Variants in CCND3 observed in about 807,000 individuals in gnomAD.
CCND3 encodes G1/S-specific cyclin-D3.
A neutral mutation model predicts 28.7 loss-of-function variants in CCND3; 9 were observed. The ratio of observed to expected loss-of-function variants is 0.31; its 90% CI spans 0.19 to 0.55. CCND3 has a LOEUF of 0.55. Among genes scored for constraint, CCND3 ranks in the 20% least tolerant of loss-of-function variants. The probability of loss-of-function intolerance (pLI) is 0.93; values close to 1 mark genes in which losing one functional copy is unlikely to be tolerated. For synonymous variants in CCND3, 164 were observed against 163.9 expected, an observed-to-expected ratio of 1.00 and a Z score of 0.00; for missense variants, 315 against 385.8, an observed-to-expected ratio of 0.82 and a Z score of 1.54.
Position 42,048,060 on chromosome 6 carries a change from A to T in CCND3, c.-46+441T>A, listed in dbSNP as rs2127443685. ...CTTGTTGGCACTTCAAGAGACACAGAAGAAGCTAAGATCATCATCTATGTA... is the reference window on the plus strand; with the variant it reads ...CTTGTTGGCACTTCAAGAGACACAGTAGAAGCTAAGATCATCATCTATGTA... On this transcript the variant is annotated intron_variant, in intron 1 of 4. Coordinates refer to the CCND3 transcript ENST00000372988. The surrounding 1 kb of genome is among the most constrained non-coding windows in gnomAD (Gnocchi z 4.7). The T allele has an allele frequency of 6.5e-6, 1 of 153,980 alleles. No individual in the cohort carries two copies. The highest frequency in any genetic ancestry group is 1.5e-5 in the Non-Finnish European group (1 of 68,934). 9.5% of individuals were successfully genotyped at this position (153,980 alleles called of 1,614,324 possible).
intron 1 of CCND3, among the ~76,000 whole-genome samples, chr6:42,045,560 G>C (rs1429890284): frequency 6.6e-6 from 1 of 152,236 alleles, no homozygotes; most frequent in Non-Finnish European, 1.5e-5. Context: ...GAAGAGAAAA[G>C]TGAAGGGGCC....
At chr6:41,972,240 A>AAAAAGAAAAG (rs759984779) in intron 1 of CCND3, among the ~76,000 whole-genome samples, 3,288 of 99,558 alleles carry the variant, frequency 0.033, 108 homozygotes, top group East Asian at 0.063. Context: ...AAAAAAAAAA[A>AAAAAGAAAAG]AAAAGAAAAG....
intron 1 of CCND3, among the ~76,000 whole-genome samples, chr6:42,032,933 C>T (rs34226811): frequency 0.24 from 36,167 of 152,114 alleles, 4,727 homozygotes; most frequent in Admixed American, 0.3. Context: ...CTAATACATT[C>T]CCTTTGCCTT....
chr6:42,033,442 T>A (rs2127437482), intron 1 of CCND3, among the ~76,000 whole-genome samples: 1 of 141,790 alleles, frequency 7.1e-6, no homozygotes, highest in African/African-American at 2.7e-5. Context: ...AAAGCGAGAC[T>A]CCATCTAAAA....
intron 1 of CCND3, among the ~76,000 whole-genome samples, chr6:41,991,844 G>C (rs888346574): frequency 4.6e-5 from 7 of 152,202 alleles, no homozygotes; most frequent in Middle Eastern, 3.4e-3. Context: ...GAGAACATGC[G>C]GTGTTTAACT....
intron 1 of CCND3, among the ~76,000 whole-genome samples, chr6:42,002,746 C>T (rs951686663): frequency 4.0e-5 from 6 of 151,662 alleles, no homozygotes; most frequent in Admixed American, 2.0e-4. Flanking sequence ...CCCAGCTACT[C>T]GGGAGGCTGA....
chr6:42,006,724 C>T (rs1392313242), intron 1 of CCND3, among the ~76,000 whole-genome samples: 5 of 151,892 alleles, frequency 3.3e-5, no homozygotes, highest in African/African-American at 1.2e-4. Flanking sequence ...CTGGCTAACA[C>T]GGTGAAACCC....
At chr6:41,991,464 T>C (rs1057338198) in intron 1 of CCND3, among the ~76,000 whole-genome samples, 5 of 152,238 alleles carry the variant, frequency 3.3e-5, no homozygotes, top group Admixed American at 6.5e-5. Context: ...AGTATAATTG[T>C]ATTTTTTAAT....
Position 41,941,184 on chromosome 6 carries a change from G to A in CCND3, c.198+268C>T. ...ACGCTGTGAGAAGCCGAAGGGGAGA[G>A]AGTGTCCTTGGTCCCGTTTGCTCGG... On this transcript the variant is annotated intron_variant, in intron 1 of 4. Transcript: ENST00000372991. The surrounding 1 kb of genome is among the most constrained non-coding windows in gnomAD (Gnocchi z 6.1). 2 of 1,446,380 alleles carry A rather than the reference G, an allele frequency of 1.4e-6. No individual in the cohort carries two copies. Among genetic ancestry groups the A allele is most frequent in the Non-Finnish European group, 1.8e-6 (2 of 1,105,346 alleles). The allele number at this position is 1,446,380 out of a possible 1,614,324, so 89.6% of individuals were successfully genotyped here.
chr6:41,935,711 T>TG lies in CCND3; in HGVS notation c.*228dup, dbSNP rs1285016966. On this transcript the variant is annotated 3_prime_UTR_variant, in exon 5 of 5. Transcript: ENST00000372991. ...CAGCTAGAGTTGGGAAAGGCGCTGC[T>TG]GGTCAGATGCAGGGAGGAGGAGCTT... is the stretch of plus-strand genomic sequence containing the variant. 2 of 550,100 alleles carry TG rather than the reference T, an allele frequency of 3.6e-6. No individual in the cohort carries two copies. The highest frequency in any genetic ancestry group is 3.7e-5 in the African/African-American group (2 of 53,346). 34.1% of individuals were successfully genotyped at this position (550,100 alleles called of 1,614,324 possible). A position where few individuals can be genotyped will look rare whatever the true frequency, so the allele number is the denominator to read the frequency against.
Position 41,937,412 on chromosome 6 carries a change from G to T in CCND3, c.415-18C>A, listed in dbSNP as rs747663834. 1.2e-6 allele frequency: 2 copies of T among 1,613,748 alleles called. No individual in the cohort carries two copies. The highest frequency in any genetic ancestry group is 2.2e-5 in the South Asian group (2 of 91,058). ...TCCCAGTCCTGAAAAAGCGGGGAAA[G>T]GGTGGGGTCAGTGGCTGGAGAAGTG... On this transcript the variant is annotated intron_variant, in intron 2 of 4. Transcript: ENST00000372991.
chr6:41,937,424 T>C (rs1225437692), intron 2 of CCND3, 30 bp from the exon 3 acceptor site: 1 of 1,613,286 alleles, frequency 6.2e-7, no homozygotes. Context: ...GTGGGGTCAG[T>C]GGCTGGAGAA....
At chr6:41,980,992 C>T (rs1242135509) in intron 1 of CCND3, among the ~76,000 whole-genome samples, 1 of 152,048 alleles carries the variant, frequency 6.6e-6, no homozygotes, top group South Asian at 2.1e-4. Flanking sequence ...TTTTCTCTCA[C>T]CACTTTCTTT....
intron 1 of CCND3, among the ~76,000 whole-genome samples, chr6:41,956,911 T>G (rs1294410112): frequency 6.6e-6 from 1 of 151,798 alleles, no homozygotes; most frequent in African/African-American, 2.4e-5. Context: ...GGCGCCTGTA[T>G]TCCCAGCTGC....
In CCND3 at chr6:42,045,262, T is replaced by C. The variant is rs562638988; in HGVS notation, c.-46+3239A>G. On this transcript the variant is annotated intron_variant, in intron 1 of 4. Transcript: ENST00000372988. ...AGTCAATGCTCAGACTGAGAGTTAA[T>C]TCACGAGTAAAGAGCCTAGACTTTG... is the stretch of plus-strand genomic sequence containing the variant. Among the ~76,000 whole-genome samples, 8 of 151,906 alleles carry C rather than the reference T, an allele frequency of 5.3e-5. No individual in the cohort carries two copies. In the East Asian group the frequency reaches 1.5e-3, roughly 29 times the overall value.
At chr6:42,040,190 G>A (rs1389350865) in intron 1 of CCND3, among the ~76,000 whole-genome samples, 2 of 152,144 alleles carry the variant, frequency 1.3e-5, no homozygotes, top group African/African-American at 4.8e-5. Context: ...GGCTGAGGCG[G>A]GTGGATCACC....
intron 2 of CCND3, among the ~76,000 whole-genome samples, chr6:41,937,980 C>A (rs1256839859): frequency 6.6e-6 from 1 of 152,222 alleles, no homozygotes. Flanking sequence ...ACCCAAGCCA[C>A]ATCCCCTTGG....
rs1410504471 is a variant in CCND3 at position 41,941,577 on chromosome 6, G to A, written c.73C>T (p.Gln25Ter). 6.4e-7 allele frequency: 1 copy of A among 1,562,492 alleles called. No individual in the cohort carries two copies. Among genetic ancestry groups the A allele is most frequent in the Admixed American group, 1.9e-5 (1 of 51,974 alleles). The change falls in exon 1 of 5, where the codon CAG (glutamine) becomes TAG (stop). Residue 25 changes from glutamine to a stop codon, truncating the protein, a stop_gained. Transcript: ENST00000372991. LOFTEE classifies it high-confidence loss of function. This position sits in a 1 kb window ranked among gnomAD's most constrained non-coding sequence, Gnocchi z 6.1. ...CGGAGCAGGCTCTGCAGGACACGCTGGTCCCCCAGCAGCCGCGGGTCCGGC... is the reference window on the plus strand; with the variant it reads ...CGGAGCAGGCTCTGCAGGACACGCTAGTCCCCCAGCAGCCGCGGGTCCGGC... ...AGPDPRLLGD[Q>*]RVLQSLLRLE...
rs1431907803 is a variant in CCND3 at position 42,048,068 on chromosome 6, A to G, written c.-46+433T>C. On this transcript the variant is annotated intron_variant, in intron 1 of 4. Transcript: ENST00000372988. The surrounding 1 kb of genome is among the most constrained non-coding windows in gnomAD (Gnocchi z 4.7). Reference sequence around the variant, plus strand: ...CACTTCAAGAGACACAGAAGAAGCTAAGATCATCATCTATGTATCAATCAG... The same window carrying G: ...CACTTCAAGAGACACAGAAGAAGCTGAGATCATCATCTATGTATCAATCAG... 1 of 154,346 alleles carries G rather than the reference A, an allele frequency of 6.5e-6. No individual in the cohort carries two copies. Among genetic ancestry groups the G allele is most frequent in the Non-Finnish European group, 1.4e-5 (1 of 69,246 alleles). 9.6% of individuals were successfully genotyped at this position (154,346 alleles called of 1,614,324 possible).
Sources: gnomAD v4.1 joint callset for allele counts (sites outside exome capture counted in the v4.1 genomes callset) on GRCh38, gnomAD v4.1.1 for gene constraint, Gnocchi (gnomAD v3.1) non-coding constraint, MANE v1.5 for transcripts, NCBI Gene and HGNC (gene_info 2026-07-23, HGNC 2026-07-21) for gene names.